The following CELSR1 variants were observed in gnomAD, a reference collection of about 807,000 sequenced individuals.
The protein encoded by CELSR1 is adhesion G protein-coupled receptor C1.
Under a neutral mutation model 249.1 loss-of-function variants are expected in CELSR1, and 110 were observed. The observed-to-expected ratio is 0.44, with a 90% CI of 0.38 to 0.52. The LOEUF (loss-of-function observed/expected upper bound fraction) is 0.52. Among genes scored for constraint, CELSR1 ranks in the 20% least tolerant of loss-of-function variants. The pLI is 0.00. For missense variants in CELSR1, 4,109 were observed against 4,296.4 expected (o/e 0.96, Z 1.22); for synonymous variants, 2,113 against 1,900.0 (o/e 1.11, Z -2.92).
intron 32 of CELSR1, among the ~76,000 whole-genome samples, 193 bp downstream of exon 32, chr22:46,365,038 G>A (rs565102222): frequency 9.2e-5 from 14 of 152,328 alleles, no homozygotes; most frequent in African/African-American, 2.9e-4. Flanking sequence ...CTCCGCTCAG[G>A]GGGTTGGCCT....
At chr22:46,394,348 G>A (rs2079126537) in intron 13 of CELSR1, 86 bp from the exon 14 acceptor site, 1 of 1,484,352 alleles carries the variant, frequency 6.7e-7, no homozygotes, top group Admixed American at 2.0e-5. Context: ...GCATGGAGAT[G>A]GTTGCCCAGG....
At chr22:46,379,612 G>A (rs1251303606) in intron 22 of CELSR1, among the ~76,000 whole-genome samples, 1 of 152,192 alleles carries the variant, frequency 6.6e-6, no homozygotes. Flanking sequence ...GTGCCATGCT[G>A]GTTGCTTATT....
intron 2 of CELSR1, among the ~76,000 whole-genome samples, chr22:46,460,719 C>T (rs575832056): frequency 4.5e-4 from 68 of 152,260 alleles, no homozygotes; most frequent in Non-Finnish European, 6.8e-4. Flanking sequence ...TTCCTGCCCT[C>T]GTCCCTTTCG....
chr22:46,381,083 C>T lies in CELSR1; in HGVS notation c.7089-128G>A. The T allele has an allele frequency of 1.0e-6, 1 of 987,028 alleles. No homozygotes were observed. The highest frequency in any genetic ancestry group is 1.5e-6 in the Non-Finnish European group (1 of 672,050). The allele number at this position is 987,028 out of a possible 1,614,324, so 61.1% of individuals were successfully genotyped here. ...GGGAGACAGAATCACACTCCGAGAG[C>T]TCGGACCCACGGACCCCACAGTATC... On this transcript the variant is annotated intron_variant, in intron 21 of 34. Coordinates refer to ENST00000674500, the MANE Select transcript of CELSR1 (RefSeq NM_001378328.1). The surrounding 1 kb of genome is among the most constrained non-coding windows in gnomAD (Gnocchi z 6.0).
chr22:46,446,004 C>T lies in CELSR1; in HGVS notation c.4184-6593G>A, dbSNP rs1483898906. 1.3e-5 allele frequency among the ~76,000 whole-genome samples: 2 copies of T among 152,172 alleles called. No individual in the cohort carries two copies. The highest frequency in any genetic ancestry group is 2.1e-4 in the South Asian group (1 of 4,834). On this transcript the variant is annotated intron_variant, in intron 2 of 34. Transcript: ENST00000674500. The surrounding 1 kb of genome is among the most constrained non-coding windows in gnomAD (Gnocchi z 5.5). ...CTCCAGACCTACTTGTCCCTTGCCT[C>T]GCGACAGCACAGTCCTCCACAACGC...
intron 1 of CELSR1, among the ~76,000 whole-genome samples, chr22:46,520,701 A>T (rs922116531): frequency 1.3e-5 from 2 of 152,026 alleles, no homozygotes; most frequent in African/African-American, 2.4e-5. Context: ...ACCTCATGTG[A>T]TCCACCTGCC....
At chr22:46,501,238 G>A (rs935309969) in intron 1 of CELSR1, among the ~76,000 whole-genome samples, 34 of 128,874 alleles carry the variant, frequency 2.6e-4, no homozygotes, top group East Asian at 2.4e-3. Context: ...ACAGAGTCTC[G>A]CTCTGTTGCC....
In CELSR1 at chr22:46,408,332, C is replaced by T. The variant is rs914539927; in HGVS notation, c.5226+664G>A. 6.6e-6 allele frequency among the ~76,000 whole-genome samples: 1 copy of T among 152,146 alleles called. No homozygotes were observed. The highest frequency in any genetic ancestry group is 6.5e-5 in the Admixed American group (1 of 15,272). ...GGACGTGCATTGGTGCCAACCACCA[C>T]CTGGCTGTGGCTTTTTGAGATGGAG... On this transcript the variant is annotated intron_variant, in intron 9 of 34. Coordinates refer to ENST00000674500, the MANE Select transcript of CELSR1 (RefSeq NM_001378328.1). This position sits in a 1 kb window ranked among gnomAD's most constrained non-coding sequence, Gnocchi z 4.6.
chr22:46,394,373 C>G, intron 13 of CELSR1, 111 bp from the exon 14 acceptor site: 1 of 1,328,844 alleles, frequency 7.5e-7, no homozygotes, highest in Non-Finnish European at 1.0e-6. Flanking sequence ...CTGGCTGGGT[C>G]CAGCTCTGGG....
chr22:46,399,620 G>A lies in CELSR1; in HGVS notation c.5412+97C>T, dbSNP rs1017681447. ...AGAAAGTGCCTCCCCAAATCCACAA[G>A]GTCTCTGGTGGGTCCTGGCACGTCA... On this transcript the variant is annotated intron_variant, in intron 10 of 34. Coordinates refer to ENST00000674500, the MANE Select transcript of CELSR1 (RefSeq NM_001378328.1). This position sits in a 1 kb window ranked among gnomAD's most constrained non-coding sequence, Gnocchi z 5.0. 7 of 1,274,486 alleles carry A rather than the reference G, an allele frequency of 5.5e-6. No individual in the cohort carries two copies. Among genetic ancestry groups the A allele is most frequent in the Non-Finnish European group, 6.7e-6 (6 of 896,476 alleles). The allele number at this position is 1,274,486 out of a possible 1,614,324, so 78.9% of individuals were successfully genotyped here. A position where few individuals can be genotyped will look rare whatever the true frequency, so the allele number is the denominator to read the frequency against.
In CELSR1 at chr22:46,436,123, A is replaced by G. The variant is rs1440598461; in HGVS notation, c.4522+51T>C. Reference sequence around the variant, plus strand: ...CAGGGCGAGGGTCGTTTTAACCCACAAAGTATCTGTGAATTGCTCAGAGCT... The same window carrying G: ...CAGGGCGAGGGTCGTTTTAACCCACGAAGTATCTGTGAATTGCTCAGAGCT... On this transcript the variant is annotated intron_variant, in intron 4 of 34. Coordinates refer to ENST00000674500, the MANE Select transcript of CELSR1 (RefSeq NM_001378328.1). The surrounding 1 kb of genome is among the most constrained non-coding windows in gnomAD (Gnocchi z 5.9). The G allele has an allele frequency of 2.0e-6, 3 of 1,488,680 alleles. No individual in the cohort carries two copies. In the South Asian group the frequency reaches 3.4e-5, roughly 17 times the overall value. 92.2% of individuals were successfully genotyped at this position (1,488,680 alleles called of 1,614,324 possible).
chr22:46,391,016 G>A lies in CELSR1; in HGVS notation c.6250+170C>T, dbSNP rs1037193567. ...TGTTCATGTTTCTGTTGCGCCCTCT[G>A]CCTGCTTTGTGTATTTCCTGGTAGG... is the stretch of plus-strand genomic sequence containing the variant. On this transcript the variant is annotated intron_variant, in intron 16 of 34. Coordinates refer to ENST00000674500, the MANE Select transcript of CELSR1 (RefSeq NM_001378328.1). The surrounding 1 kb of genome is among the most constrained non-coding windows in gnomAD (Gnocchi z 4.3). Among the ~76,000 whole-genome samples the A allele has an allele frequency of 6.6e-6, 1 of 152,198 alleles. No individual in the cohort carries two copies. The highest frequency in any genetic ancestry group is 1.5e-5 in the Non-Finnish European group (1 of 68,034).
chr22:46,486,871 C>T (rs1280174158), intron 1 of CELSR1, among the ~76,000 whole-genome samples: 2 of 152,076 alleles, frequency 1.3e-5, no homozygotes, highest in East Asian at 1.9e-4. Context: ...TAAAGTCATG[C>T]ATCAGGACAC....
intron 1 of CELSR1, among the ~76,000 whole-genome samples, chr22:46,486,168 T>C (rs1467280525): frequency 6.7e-6 from 1 of 149,996 alleles, no homozygotes; most frequent in Admixed American, 6.6e-5. Flanking sequence ...CTCGATCTCC[T>C]GACCTCGTGA....
In CELSR1 at chr22:46,430,353, G is replaced by A. The variant is rs2079580686; in HGVS notation, c.4611+3040C>T. On this transcript the variant is annotated intron_variant, in intron 5 of 34. Coordinates refer to ENST00000674500, the MANE Select transcript of CELSR1 (RefSeq NM_001378328.1). This position sits in a 1 kb window ranked among gnomAD's most constrained non-coding sequence, Gnocchi z 4.6. ...CGAGGTGGTGTGGCAGGTAAATGGA[G>A]CGTGCTGGGGCAAGGACACAGCTGG... Among the ~76,000 whole-genome samples, 1 of 152,164 alleles carries A rather than the reference G, an allele frequency of 6.6e-6. No individual in the cohort carries two copies. The highest frequency in any genetic ancestry group is 2.4e-5 in the African/African-American group (1 of 41,432).
intron 27 of CELSR1, among the ~76,000 whole-genome samples, chr22:46,368,073 G>A (rs775523756): frequency 5.9e-5 from 9 of 152,196 alleles, no homozygotes; most frequent in African/African-American, 1.7e-4. Context: ...TAGTGGGGGT[G>A]GTGGTGGAAT....
chr22:46,525,287 T>G (rs4823558), intron 1 of CELSR1, among the ~76,000 whole-genome samples: 49,846 of 152,010 alleles, frequency 0.33, 8,864 homozygotes, highest in African/African-American at 0.46. Context: ...CCATGTCTAC[T>G]AAAAATACAA....
At chr22:46,394,356 A>C (rs1325720427) in intron 13 of CELSR1, 94 bp from the exon 14 acceptor site, 1 of 1,450,686 alleles carries the variant, frequency 6.9e-7, no homozygotes, top group Non-Finnish European at 9.3e-7. Context: ...ATGGTTGCCC[A>C]GGAGGCCTGG....
chr22:46,366,364 G>C, intron 30 of CELSR1, 22 bp downstream of exon 30: 2 of 1,538,536 alleles, frequency 1.3e-6, no homozygotes, highest in Non-Finnish European at 1.8e-6. Flanking sequence ...CCACCTCCCC[G>C]AACCCGGAGC....
Sources: gnomAD v4.1 joint callset for allele counts (sites outside exome capture counted in the v4.1 genomes callset) on GRCh38, gnomAD v4.1.1 for gene constraint, Gnocchi (gnomAD v3.1) non-coding constraint, MANE v1.5 for transcripts, NCBI Gene and HGNC (gene_info 2026-07-23, HGNC 2026-07-21) for gene names.